SCAI: variants seen among roughly 807,000 people sequenced by gnomAD.
The protein encoded by SCAI is suppressor of cancer cell invasion.
In SCAI, 24 loss-of-function variants were observed where a neutral mutation model predicts 92.2. The ratio of observed to expected loss-of-function variants is 0.26; its 90% CI spans 0.19 to 0.37. SCAI has a LOEUF of 0.37. SCAI is among the 10% of genes least tolerant of loss of function. The pLI is 1.00. For missense variants in SCAI, 450 were observed against 736.2 expected, an observed-to-expected ratio of 0.61 and a Z score of 4.50; for synonymous variants, 261 against 258.6, an observed-to-expected ratio of 1.01 and a Z score of -0.09.
chr9:125,065,942 T>C (rs371250134), intron 2 of SCAI: 10 of 738,118 alleles, frequency 1.4e-5, no homozygotes, highest in Non-Finnish European at 2.2e-5. Flanking sequence ...GGGAGCTTCA[T>C]TAATTTTATA....
Position 124,954,759 on chromosome 9 carries a change from C to G in SCAI, c.1675-1806G>C, listed in dbSNP as rs569735889. Among the ~76,000 whole-genome samples, 6 of 152,190 alleles carry G rather than the reference C, an allele frequency of 3.9e-5. No individual in the cohort carries two copies. The South Asian group carries it at 1.2e-3, about 31-fold the overall frequency. On this transcript the variant is annotated intron_variant, in intron 17 of 17. Transcript: ENST00000336505. ...TTTATTCTCTAGCAGATCCCTCCCC[C>G]ATTCGCCCCAGTCCCCTCCCTCAGC...
At chr9:125,022,131 T>C (rs190062591) in intron 6 of SCAI, among the ~76,000 whole-genome samples, 4 of 152,286 alleles carry the variant, frequency 2.6e-5, no homozygotes, top group Non-Finnish European at 2.9e-5. Context: ...AATTATTAGA[T>C]ATCATATATC....
chr9:125,060,927 C>A (rs1480987207), intron 2 of SCAI, among the ~76,000 whole-genome samples: 1 of 152,162 alleles, frequency 6.6e-6, no homozygotes, highest in African/African-American at 2.4e-5. Flanking sequence ...CATAAATATA[C>A]CATCCTTCCT....
At chr9:125,087,358 G>C (rs547029997) in intron 2 of SCAI, among the ~76,000 whole-genome samples, 1 of 152,292 alleles carries the variant, frequency 6.6e-6, no homozygotes, top group South Asian at 2.1e-4. Flanking sequence ...GCAGAAAGTT[G>C]GTAAGACTTG....
chr9:125,048,040 G>A (rs1329863753), intron 3 of SCAI, among the ~76,000 whole-genome samples: 1 of 151,956 alleles, frequency 6.6e-6, no homozygotes, highest in Non-Finnish European at 1.5e-5. Context: ...ATGCAATGGC[G>A]TGATCTCGGC....
chr9:124,971,935 A>G (rs1316322755), intron 15 of SCAI, 91 bp from the exon 16 acceptor site: 13 of 615,840 alleles, frequency 2.1e-5, no homozygotes, highest in Non-Finnish European at 3.3e-5. Flanking sequence ...CTGATAATAT[A>G]TAAAATTAAA....
At chr9:125,069,464 C>T (rs1346713675) in intron 2 of SCAI, among the ~76,000 whole-genome samples, 1 of 150,348 alleles carries the variant, frequency 6.7e-6, no homozygotes, top group Admixed American at 6.6e-5. Context: ...ACTACAGGCG[C>T]CCACCACCAC....
intron 2 of SCAI, among the ~76,000 whole-genome samples, chr9:125,119,255 G>T (rs1262627885): frequency 5.9e-5 from 9 of 152,128 alleles, no homozygotes; most frequent in Admixed American, 5.9e-4. Flanking sequence ...CCATTTTATA[G>T]ATCAACTGAT....
intron 2 of SCAI, among the ~76,000 whole-genome samples, chr9:125,107,418 AAAAAGAAAAAG>A (rs1468731887): frequency 3.0e-4 from 45 of 151,408 alleles, no homozygotes; most frequent in East Asian, 9.7e-4. Context: ...AAAAAAAAAA[AAAAAGAAAAAG>A]AAAAGAAAAA....
chr9:125,130,626 G>A (rs1287816650), intron 2 of SCAI, among the ~76,000 whole-genome samples: 1 of 151,504 alleles, frequency 6.6e-6, no homozygotes, highest in East Asian at 1.9e-4. Context: ...CGATTCCCCT[G>A]ACTCAGCCTC....
intron 3 of SCAI, among the ~76,000 whole-genome samples, chr9:125,046,544 G>A (rs1833447754): frequency 6.7e-6 from 1 of 150,090 alleles, no homozygotes; most frequent in Non-Finnish European, 1.5e-5. Flanking sequence ...GGACTTTTGG[G>A]ACTCTCACGA....
At chr9:124,958,964 T>A (rs1480759542) in intron 17 of SCAI, among the ~76,000 whole-genome samples, 1 of 151,172 alleles carries the variant, frequency 6.6e-6, no homozygotes, top group Non-Finnish European at 1.5e-5. Flanking sequence ...AAGTAAAGAT[T>A]TCTGGGATAA....
rs373989587 is a variant in SCAI at position 125,100,890 on chromosome 9, C to T, written c.98+41743G>A. 1.6e-3 allele frequency among the ~76,000 whole-genome samples: 244 copies of T among 152,294 alleles called. 4 individuals carry two copies. In the South Asian group the frequency reaches 0.045, roughly 28 times the overall value. On this transcript the variant is annotated intron_variant, in intron 2 of 17. Transcript: ENST00000336505. Reference sequence around the variant, plus strand: ...AGCAAGTGCACAGGCCCCGAGTTAGCTTGCCTGATGTGTTTGAGCAACAGC... The same window carrying T: ...AGCAAGTGCACAGGCCCCGAGTTAGTTTGCCTGATGTGTTTGAGCAACAGC...
intron 2 of SCAI, among the ~76,000 whole-genome samples, chr9:125,119,109 C>G (rs964383047): frequency 6.6e-6 from 1 of 152,150 alleles, no homozygotes; most frequent in African/African-American, 2.4e-5. Context: ...AATTGAAGAC[C>G]AGCCTGGGCA....
chr9:125,136,292 G>T (rs1159289292), intron 2 of SCAI, among the ~76,000 whole-genome samples: 1 of 151,396 alleles, frequency 6.6e-6, no homozygotes, highest in African/African-American at 2.4e-5. Flanking sequence ...CGTATTTTTG[G>T]TAGAGATGAG....
chr9:125,004,779 ATTTTTTTTTTTTTTTTT>A (rs869167558), intron 9 of SCAI, among the ~76,000 whole-genome samples: 26 of 13,166 alleles, frequency 2.0e-3, no homozygotes, highest in African/African-American at 5.9e-3. Context: ...ATATATATAT[ATTTTTTTTTTTTTTTTT>A]TTTTTTTTTG....
At chr9:124,991,186 C>T (rs184928236) in intron 14 of SCAI, among the ~76,000 whole-genome samples, 201 of 151,788 alleles carry the variant, frequency 1.3e-3, no homozygotes, top group African/African-American at 4.6e-3. Context: ...AATCCCATCT[C>T]TACTAAAAAT....
intron 9 of SCAI, among the ~76,000 whole-genome samples, chr9:125,014,102 C>A (rs1302808849): frequency 6.6e-6 from 1 of 152,122 alleles, no homozygotes; most frequent in Non-Finnish European, 1.5e-5. Flanking sequence ...TGGAAGCATT[C>A]CCTTTGAAAA....
In SCAI at chr9:124,971,823, A is replaced by G; in HGVS notation, c.1421T>C (p.Leu474Pro). 1 of 1,601,722 alleles carries G rather than the reference A, an allele frequency of 6.2e-7. No individual in the cohort carries two copies. The highest frequency in any genetic ancestry group is 8.5e-7 in the Non-Finnish European group (1 of 1,176,958). ...ALQDQSQRGS[L>P]FTLFLNNPLM... ...AGGATTGTTCAAAAAGAGAGTGAAG[A>G]GGCTACCTCGCTGAGATTGATCTGT... The change falls in exon 16 of 18, where the codon CTC becomes CCC. Residue 474 changes from leucine (L) to proline (P), a missense_variant. This residue lies in a region of SCAI where 360 missense variants were observed against 601.8 expected (regional missense o/e 0.60). Transcript: ENST00000336505.
Sources: gnomAD v4.1 joint callset for allele counts (sites outside exome capture counted in the v4.1 genomes callset) on GRCh38, gnomAD v4.1.1 for gene constraint, gnomAD v4.1.1 regional missense constraint, MANE v1.5 for transcripts, NCBI Gene and HGNC (gene_info 2026-07-23, HGNC 2026-07-21) for gene names.